RYR2: variants seen among roughly 807,000 people sequenced by gnomAD.
RYR2 encodes ryanodine receptor 2, also known as cardiac muscle ryanodine receptor-calcium release channel.
In RYR2, 227 loss-of-function variants were observed where a neutral mutation model predicts 601.1. The observed-to-expected ratio is 0.38, with a 90% CI of 0.34 to 0.42. The LOEUF is 0.42. Ranked by LOEUF, RYR2 falls within the 10% of genes least tolerant of loss-of-function variation. The pLI is 1.00. For missense variants in RYR2, 4,646 were observed against 6,156.5 expected, an observed-to-expected ratio of 0.75 and a Z score of 8.21; for synonymous variants, 2,223 against 2,175.1, an observed-to-expected ratio of 1.02 and a Z score of -0.61.
intron 35 of RYR2, among the ~76,000 whole-genome samples, chr1:237,606,643 G>T (rs1372412004): frequency 1.3e-5 from 2 of 152,132 alleles, no homozygotes; most frequent in African/African-American, 4.8e-5. Flanking sequence ...CCTACAGAAT[G>T]GGAGAAAATT....
At chr1:237,565,020 C>T (rs1384812666) in intron 27 of RYR2, among the ~76,000 whole-genome samples, 2 of 152,244 alleles carry the variant, frequency 1.3e-5, no homozygotes, top group East Asian at 3.9e-4. Flanking sequence ...ATTGATTGAA[C>T]TGTTATTAAA....
At chr1:237,425,598 C>T (rs902077572) in intron 12 of RYR2, among the ~76,000 whole-genome samples, 5 of 151,532 alleles carry the variant, frequency 3.3e-5, no homozygotes, top group African/African-American at 1.2e-4. Context: ...CGTGCCACTG[C>T]AGTCCAGCCT....
At chr1:237,727,063 T>C in intron 75 of RYR2, 24 bp from the exon 76 acceptor site, 1 of 1,174,400 alleles carries the variant, frequency 8.5e-7, no homozygotes, top group East Asian at 2.3e-5. Context: ...GGTGTAAATA[T>C]TTATTTGTGT....
At chr1:237,473,431 C>T (rs9428378) in intron 17 of RYR2, among the ~76,000 whole-genome samples, 37,631 of 106,874 alleles carry the variant, frequency 0.35, 8,874 homozygotes, top group East Asian at 0.58. Flanking sequence ...CTCTCTCTCT[C>T]TCTTTCTTTC....
intron 84 of RYR2, among the ~76,000 whole-genome samples, chr1:237,766,804 C>T (rs954015900): frequency 2.0e-5 from 3 of 152,050 alleles, no homozygotes; most frequent in African/African-American, 4.8e-5. Context: ...TTCTGTTATC[C>T]GTGGGACAAA....
rs116183398 is a variant in RYR2 at position 237,780,946 on chromosome 1, G to A, written c.11881-619G>A. Reference sequence around the variant, plus strand: ...GGCTTTTCAAATAAAAGATAAGATAGATGTCAAATGTGCAGAAGGTCTTGA... The same window carrying A: ...GGCTTTTCAAATAAAAGATAAGATAAATGTCAAATGTGCAGAAGGTCTTGA... On this transcript the variant is annotated intron_variant, in intron 88 of 104. Coordinates refer to ENST00000366574, the MANE Select transcript of RYR2 (RefSeq NM_001035.3). 7.1e-3 allele frequency among the ~76,000 whole-genome samples: 1,088 copies of A among 152,306 alleles called. 13 individuals carry two copies. Among genetic ancestry groups the A allele is most frequent in the African/African-American group, 0.024 (1,011 of 41,572 alleles).
chr1:237,584,584 A>G (rs1674295506), intron 29 of RYR2, among the ~76,000 whole-genome samples: 1 of 151,640 alleles, frequency 6.6e-6, no homozygotes, highest in Non-Finnish European at 1.5e-5. Context: ...CTCTATGAAG[A>G]CAATGTAGAA....
chr1:237,445,606 T>C, intron 14 of RYR2, 84 bp downstream of exon 14: 3 of 1,528,376 alleles, frequency 2.0e-6, no homozygotes, highest in South Asian at 2.3e-5. Context: ...TTTAAAAGTA[T>C]GCTATGATGG....
intron 1 of RYR2, among the ~76,000 whole-genome samples, chr1:237,163,355 AC>A (rs67343728): frequency 0.67 from 60,335 of 90,084 alleles, 17,431 homozygotes; most frequent in Non-Finnish European, 0.71. Flanking sequence ...CCAACCCCCT[AC>A]CCCCCCCACC....
chr1:237,662,802 G>A (rs997459612), intron 56 of RYR2, among the ~76,000 whole-genome samples: 43 of 152,204 alleles, frequency 2.8e-4, no homozygotes, highest in African/African-American at 9.9e-4. Context: ...AATATTAGGC[G>A]ATGCTTGTGC....
intron 3 of RYR2, among the ~76,000 whole-genome samples, chr1:237,348,609 G>A (rs1049012387): frequency 1.3e-5 from 2 of 152,112 alleles, no homozygotes; most frequent in Non-Finnish European, 2.9e-5. Flanking sequence ...TCATCTAGCT[G>A]CCAGCCGTAG....
At chr1:237,754,100 C>G (rs1315138124) in intron 80 of RYR2, among the ~76,000 whole-genome samples, 1 of 150,688 alleles carries the variant, frequency 6.6e-6, no homozygotes, top group African/African-American at 2.4e-5. Flanking sequence ...GACTTGATCT[C>G]TATGAAATAC....
At chr1:237,061,263 TCTATC>T (rs1465062828) in intron 1 of RYR2, among the ~76,000 whole-genome samples, 13,335 of 120,116 alleles carry the variant, frequency 0.11, 837 homozygotes, top group Middle Eastern at 0.2. Flanking sequence ...CATCTATCTA[TCTATC>T]CATCTATCAT....
At chr1:237,586,697 G>A (rs1052664023) in intron 29 of RYR2, among the ~76,000 whole-genome samples, 2 of 151,904 alleles carry the variant, frequency 1.3e-5, no homozygotes, top group Non-Finnish European at 2.9e-5. Flanking sequence ...TGGATGGTAC[G>A]CTATTTCAGT....
chr1:237,599,862 G>C (rs1676308918), intron 34 of RYR2, among the ~76,000 whole-genome samples: 1 of 151,034 alleles, frequency 6.6e-6, no homozygotes, highest in South Asian at 2.1e-4. Context: ...TAACAAAGGA[G>C]GTGTAAGATC....
intron 17 of RYR2, among the ~76,000 whole-genome samples, chr1:237,491,034 C>T (rs1663273451): frequency 6.6e-6 from 1 of 152,048 alleles, no homozygotes; most frequent in Admixed American, 6.6e-5. Context: ...AACATGAACA[C>T]AGAGGTACAC....
At chr1:237,757,227 G>T (rs1254912946) in intron 81 of RYR2, among the ~76,000 whole-genome samples, 1 of 152,044 alleles carries the variant, frequency 6.6e-6, no homozygotes, top group Non-Finnish European at 1.5e-5. Flanking sequence ...AGAATAGTCT[G>T]CCTAATAAAC....
intron 14 of RYR2, among the ~76,000 whole-genome samples, chr1:237,451,252 A>G (rs1658071048): frequency 6.6e-6 from 1 of 152,102 alleles, no homozygotes; most frequent in African/African-American, 2.4e-5. Context: ...ATGCTACGCA[A>G]CCAGTAAAAT....
intron 6 of RYR2, 30 bp from the exon 7 acceptor site, chr1:237,374,687 A>G (rs1378246525): frequency 6.4e-7 from 1 of 1,566,132 alleles, no homozygotes; most frequent in African/African-American, 1.4e-5. Flanking sequence ...CAAAACCTCT[A>G]CTTACAACTA....
Sources: allele counts gnomAD v4.1 joint callset (sites outside exome capture counted in the v4.1 genomes callset), GRCh38; gene constraint gnomAD v4.1.1; transcripts MANE v1.5; gene names NCBI Gene and HGNC (gene_info 2026-07-23, HGNC 2026-07-21).